Variants in XPR1 observed in about 807,000 individuals in gnomAD.
The protein encoded by XPR1 is xenotropic and polytropic retrovirus receptor 1.
Under a neutral mutation model 87.5 loss-of-function variants are expected in XPR1, and 28 were observed. The ratio of observed to expected loss-of-function variants is 0.32; its 90% confidence interval spans 0.24 to 0.44. XPR1 has a LOEUF of 0.44. XPR1 is among the 20% of genes least tolerant of loss of function. The pLI, the probability that XPR1 is intolerant of heterozygous loss-of-function variation, is 1.00. For missense variants in XPR1, 559 were observed against 862.3 expected (o/e 0.65, Z 4.41); for synonymous variants, 300 against 306.1 (o/e 0.98, Z 0.21).
intron 2 of XPR1, among the ~76,000 whole-genome samples, chr1:180,744,218 G>A (rs536654586): frequency 6.6e-6 from 1 of 152,124 alleles, no homozygotes. Context: ...GTCTTCAGGT[G>A]TACTCACTCT....
chr1:180,795,428 G>T (rs1649532681), intron 3 of XPR1, among the ~76,000 whole-genome samples: 1 of 152,040 alleles, frequency 6.6e-6, no homozygotes, highest in African/African-American at 2.4e-5. Context: ...AATAATATTT[G>T]TTCTCATATT....
chr1:180,668,462 T>G (rs1305342366), intron 1 of XPR1, among the ~76,000 whole-genome samples: 1 of 152,124 alleles, frequency 6.6e-6, no homozygotes, highest in East Asian at 1.9e-4. Flanking sequence ...TGGATTTAGT[T>G]TGTTCTTCTT....
At chr1:180,859,744 T>G (rs947373431) in intron 11 of XPR1, among the ~76,000 whole-genome samples, 14 of 152,174 alleles carry the variant, frequency 9.2e-5, no homozygotes, top group African/African-American at 3.4e-4. Context: ...TAAGTCCTCA[T>G]GTATGTTTCA....
intron 2 of XPR1, chr1:180,758,923 A>G (rs1006827366): frequency 6.6e-6 from 1 of 152,364 alleles, no homozygotes; most frequent in Non-Finnish European, 1.5e-5. Context: ...TGTCTCTCAG[A>G]CCACAGTGCA....
chr1:180,778,414 T>C (rs1001584974), intron 2 of XPR1, among the ~76,000 whole-genome samples: 2 of 152,176 alleles, frequency 1.3e-5, no homozygotes, highest in African/African-American at 2.4e-5. Context: ...CCACTTCTCA[T>C]AGAATAACAG....
At chr1:180,667,464 G>A (rs771918943) in intron 1 of XPR1, among the ~76,000 whole-genome samples, 2 of 152,124 alleles carry the variant, frequency 1.3e-5, no homozygotes, top group Non-Finnish European at 2.9e-5. Flanking sequence ...CTTGGTCATG[G>A]TGTATAATCC....
intron 3 of XPR1, among the ~76,000 whole-genome samples, chr1:180,802,047 C>T (rs574555029): frequency 1.3e-5 from 2 of 152,168 alleles, no homozygotes; most frequent in South Asian, 4.1e-4. Context: ...CCACCTGCCT[C>T]AGCCTCCCAA....
chr1:180,771,282 G>GT lies in XPR1; in HGVS notation c.122-16461dup, dbSNP rs974471852. On this transcript the variant is annotated intron_variant, in intron 2 of 14. Transcript: ENST00000367590. ...CATTCTCTTGATTAAGTTTGAATTG[G>GT]TTTTTTTTTTAATTTGTCTTTAGGC... Among the ~76,000 whole-genome samples the GT allele has an allele frequency of 2.6e-3, 385 of 148,818 alleles. 2 individuals carry two copies. Among genetic ancestry groups the GT allele is most frequent in the African/African-American group, 7.6e-3 (310 of 40,798 alleles).
At chr1:180,799,594 G>T (rs1649707399) in intron 3 of XPR1, among the ~76,000 whole-genome samples, 2 of 152,158 alleles carry the variant, frequency 1.3e-5, no homozygotes, top group African/African-American at 4.8e-5. Context: ...GGTGGTGCTG[G>T]AGAAGCATTA....
rs753259661 is a variant in XPR1 at position 180,806,464 on chromosome 1, G to A, written c.598-10G>A. The A allele has an allele frequency of 6.2e-7, 1 of 1,611,670 alleles. No homozygotes were observed. The highest frequency in any genetic ancestry group is 1.1e-5 in the South Asian group (1 of 90,738). On this transcript the variant is annotated splice_polypyrimidine_tract_variant and intron_variant, in intron 5 of 14. Transcript: ENST00000367590. Reference sequence around the variant, plus strand: ...TAACCTAACCAAAATGTAATAATTTGTCTTTCTAGGCTGTAGTGACCAATG... The same window carrying A: ...TAACCTAACCAAAATGTAATAATTTATCTTTCTAGGCTGTAGTGACCAATG...
At chr1:180,815,254 T>A (rs946368269) in intron 7 of XPR1, among the ~76,000 whole-genome samples, 1 of 152,170 alleles carries the variant, frequency 6.6e-6, no homozygotes, top group Non-Finnish European at 1.5e-5. Context: ...TGAGGGTTTT[T>A]TTGTTTAGTA....
intron 2 of XPR1, among the ~76,000 whole-genome samples, chr1:180,711,894 C>T (rs1307364257): frequency 2.0e-5 from 3 of 152,046 alleles, no homozygotes; most frequent in South Asian, 2.1e-4. Flanking sequence ...TGGTGTGAGG[C>T]GTGGAACAAA....
At chr1:180,764,606 A>G (rs1455124734) in intron 2 of XPR1, among the ~76,000 whole-genome samples, 1 of 151,828 alleles carries the variant, frequency 6.6e-6, no homozygotes, top group Non-Finnish European at 1.5e-5. Flanking sequence ...TGTAGCTGGG[A>G]CTACAGGCAT....
At chr1:180,803,328 A>G (rs1404996735) in intron 3 of XPR1, 60 bp from the exon 4 acceptor site, 7 of 1,481,430 alleles carry the variant, frequency 4.7e-6, no homozygotes, top group Non-Finnish European at 6.4e-6. Flanking sequence ...TTAAAAATTC[A>G]GAAGTCAGTA....
intron 11 of XPR1, among the ~76,000 whole-genome samples, chr1:180,856,134 C>G (rs1652020654): frequency 6.6e-6 from 1 of 152,164 alleles, no homozygotes; most frequent in African/African-American, 2.4e-5. Flanking sequence ...TCTATCTATT[C>G]TTATTCTTAC....
At chr1:180,843,697 T>TAAA (rs557074080) in intron 11 of XPR1, among the ~76,000 whole-genome samples, 4,669 of 141,652 alleles carry the variant, frequency 0.033, 251 homozygotes, top group African/African-American at 0.11. Flanking sequence ...GAAAAGTCTT[T>TAAA]AAAAAAAAAA....
chr1:180,746,709 T>G (rs1647273984), intron 2 of XPR1, among the ~76,000 whole-genome samples: 1 of 152,186 alleles, frequency 6.6e-6, no homozygotes, highest in Non-Finnish European at 1.5e-5. Flanking sequence ...TGATTTTTAA[T>G]AGGACATTTA....
chr1:180,758,026 A>C (rs1647824047), intron 2 of XPR1, among the ~76,000 whole-genome samples: 1 of 151,952 alleles, frequency 6.6e-6, no homozygotes, highest in African/African-American at 2.4e-5. Context: ...AATGTCTTAC[A>C]GAAGAGTATG....
At chr1:180,846,261 C>CAA (rs35729459) in intron 11 of XPR1, among the ~76,000 whole-genome samples, 7,873 of 128,136 alleles carry the variant, frequency 0.061, 306 homozygotes, top group Non-Finnish European at 0.082. Context: ...GACTTCATCT[C>CAA]AAAAAAAAAA....
Sources: allele counts gnomAD v4.1 joint callset (sites outside exome capture counted in the v4.1 genomes callset), GRCh38; gene constraint gnomAD v4.1.1; transcripts MANE v1.5; gene names NCBI Gene and HGNC (gene_info 2026-07-23, HGNC 2026-07-21).